ALK: variants seen among roughly 807,000 people sequenced by gnomAD.
ALK encodes the protein ALK tyrosine kinase receptor.
In ALK, 74 loss-of-function variants were observed where a neutral mutation model predicts 163.1. The ratio of observed to expected loss-of-function variants is 0.45; its 90% CI spans 0.38 to 0.55. The LOEUF (loss-of-function observed/expected upper bound fraction) is 0.55, where lower values mean the gene tolerates loss of function less well. Among genes scored for constraint, ALK ranks in the 20% least tolerant of loss-of-function variants. The pLI is 0.00. For synonymous variants in ALK, 960 were observed against 843.2 expected (o/e 1.14, Z -2.40); for missense variants, 2,063 against 2,105.3 (o/e 0.98, Z 0.39).
At chr2:29,299,393 G>A (rs1273654039) in intron 8 of ALK, among the ~76,000 whole-genome samples, 1 of 152,122 alleles carries the variant, frequency 6.6e-6, no homozygotes, top group Non-Finnish European at 1.5e-5. Flanking sequence ...ACAAATATTT[G>A]TTAAGCACTT....
rs73921146 is a variant in ALK, at chr2:29,664,196, T to A, written c.952+30654A>T. Among the ~76,000 whole-genome samples, 1,375 of 152,288 alleles carry A rather than the reference T, an allele frequency of 9.0e-3. 28 individuals carry two copies. The highest frequency in any genetic ancestry group is 0.029 in the African/African-American group (1,224 of 41,560). ...ACATCTACAACAAAAGTGGCAATGA[T>A]GAAAATGGCATTCCAACCATGGTTC... On this transcript the variant is annotated intron_variant, in intron 3 of 28. Transcript: ENST00000389048.
chr2:29,835,376 C>T (rs960762158), intron 1 of ALK, among the ~76,000 whole-genome samples: 2 of 152,182 alleles, frequency 1.3e-5, no homozygotes, highest in African/African-American at 2.4e-5. Flanking sequence ...AATAACATTG[C>T]TGTGCATTTC....
At chr2:29,332,372 G>C (rs1388805896) in intron 5 of ALK, among the ~76,000 whole-genome samples, 1 of 128,430 alleles carries the variant, frequency 7.8e-6, no homozygotes, top group Non-Finnish European at 1.6e-5. Flanking sequence ...GGCTATGTCT[G>C]TTTCATCCAC....
intron 3 of ALK, among the ~76,000 whole-genome samples, chr2:29,557,621 G>C (rs962699500): frequency 6.6e-6 from 1 of 152,108 alleles, no homozygotes; most frequent in African/African-American, 2.4e-5. Flanking sequence ...CCCATTGATA[G>C]GTCAAGAAAT....
intron 9 of ALK, among the ~76,000 whole-genome samples, chr2:29,283,320 C>T (rs778635656): frequency 5.2e-4 from 79 of 152,294 alleles, no homozygotes; most frequent in Non-Finnish European, 7.9e-4. Flanking sequence ...AGAGCAAGCT[C>T]CTTGGGATGA....
At chr2:29,855,331 C>A (rs542960252) in intron 1 of ALK, among the ~76,000 whole-genome samples, 34 of 152,208 alleles carry the variant, frequency 2.2e-4, no homozygotes, top group African/African-American at 8.2e-4. Context: ...ATCTTGGGCC[C>A]ATGCTATTCC....
At chr2:29,350,092 T>C (rs1436260738) in intron 5 of ALK, among the ~76,000 whole-genome samples, 4 of 152,214 alleles carry the variant, frequency 2.6e-5, no homozygotes, top group Non-Finnish European at 4.4e-5. Context: ...GCAACTGGCT[T>C]AGTCTTTCCA....
At chr2:29,702,399 T>A (rs936154537) in intron 2 of ALK, among the ~76,000 whole-genome samples, 3 of 151,958 alleles carry the variant, frequency 2.0e-5, no homozygotes, top group Non-Finnish European at 4.4e-5. Context: ...GGAGCCAGAG[T>A]GTCTTCGCTA....
intron 4 of ALK, among the ~76,000 whole-genome samples, chr2:29,403,709 CAAAAAAAAAAAAAAAAA>C (rs67270103): frequency 1.3e-5 from 1 of 74,184 alleles, no homozygotes; most frequent in Non-Finnish European, 2.2e-5. Context: ...CAGGTCTCTA[CAAAAAAAAAAAAAAAAA>C]AAAAAAAAAA....
At position 29,196,465 on chromosome 2, in the gene ALK, T is replaced by C. The variant is rs144570078; in HGVS notation, c.4164+305A>G. ...GTTCCATACGTCTGTGAAGCTTCAA[T>C]TTTGGCTACTAAAACATTAGGTCCC... On this transcript the variant is annotated intron_variant, in intron 28 of 28. Coordinates refer to ENST00000389048, the MANE Select transcript of ALK (RefSeq NM_004304.5). 4.1e-3 allele frequency among the ~76,000 whole-genome samples: 618 copies of C among 152,340 alleles called. 3 individuals carry two copies. The highest frequency in any genetic ancestry group is 0.014 in the African/African-American group (592 of 41,574).
chr2:29,436,650 C>G (rs2148077709), intron 4 of ALK, among the ~76,000 whole-genome samples: 1 of 152,292 alleles, frequency 6.6e-6, no homozygotes, highest in African/African-American at 2.4e-5. Flanking sequence ...GATGTTCGCT[C>G]ATCAGCTGAT....
chr2:29,618,804 C>T (rs1185643166), intron 3 of ALK, among the ~76,000 whole-genome samples: 5 of 152,136 alleles, frequency 3.3e-5, no homozygotes, highest in Admixed American at 1.3e-4. Flanking sequence ...TATGCTGAAA[C>T]CCCATCTCTA....
At chr2:29,576,843 A>T (rs1573470076) in intron 3 of ALK, among the ~76,000 whole-genome samples, 1 of 151,550 alleles carries the variant, frequency 6.6e-6, no homozygotes, top group African/African-American at 2.4e-5. Context: ...ATGCCTGATG[A>T]TCCATCACTG....
intron 1 of ALK, among the ~76,000 whole-genome samples, chr2:29,868,196 G>A (rs1177165111): frequency 1.3e-5 from 2 of 152,202 alleles, no homozygotes; most frequent in Non-Finnish European, 2.9e-5. Context: ...TTTTCTCTCT[G>A]GCCTTCCAAA....
intron 1 of ALK, among the ~76,000 whole-genome samples, chr2:29,874,816 C>T (rs1017869546): frequency 1.3e-5 from 2 of 152,184 alleles, no homozygotes; most frequent in African/African-American, 4.8e-5. Flanking sequence ...GGACTTCACA[C>T]CAAGATACGT....
At chr2:29,875,482 G>C (rs557235071) in intron 1 of ALK, among the ~76,000 whole-genome samples, 1 of 152,156 alleles carries the variant, frequency 6.6e-6, no homozygotes, top group African/African-American at 2.4e-5. Flanking sequence ...TTGTTATATA[G>C]GTATACCTGT....
At chr2:29,625,429 T>C (rs1050342139) in intron 3 of ALK, among the ~76,000 whole-genome samples, 13 of 152,220 alleles carry the variant, frequency 8.5e-5, no homozygotes, top group Admixed American at 8.5e-4. Context: ...ATTTGCAAAG[T>C]TCTTCTTCCC....
chr2:29,854,504 C>T (rs1253552148), intron 1 of ALK, among the ~76,000 whole-genome samples: 4 of 152,154 alleles, frequency 2.6e-5, no homozygotes, highest in Admixed American at 6.5e-5. Context: ...CTTCCTGAGG[C>T]CTCACCAGAA....
intron 1 of ALK, among the ~76,000 whole-genome samples, chr2:29,768,060 A>G (rs1242445275): frequency 6.6e-6 from 1 of 152,162 alleles, no homozygotes; most frequent in Non-Finnish European, 1.5e-5. Flanking sequence ...AGGAGTTTCA[A>G]ATGAAGGTGG....
Sources: allele counts gnomAD v4.1 joint callset (sites outside exome capture counted in the v4.1 genomes callset), GRCh38; gene constraint gnomAD v4.1.1; transcripts MANE v1.5; gene names NCBI Gene and HGNC (gene_info 2026-07-23, HGNC 2026-07-21).